Variants in ADARB2 observed in about 807,000 individuals in gnomAD.
ADARB2 encodes the protein inactive double-stranded RNA-specific editase B2.
A neutral mutation model predicts 62.2 loss-of-function variants in ADARB2; 25 were observed. The observed-to-expected ratio is 0.40, with a 90% CI of 0.29 to 0.56. The LOEUF is 0.56. Among genes scored for constraint, ADARB2 ranks in the 20% least tolerant of loss-of-function variants. The pLI, the probability that ADARB2 is intolerant of heterozygous loss-of-function variation, is 0.43. For synonymous variants in ADARB2, 572 were observed against 500.8 expected (o/e 1.14, Z -1.90); for missense variants, 1,071 against 1,077.4 (o/e 0.99, Z 0.08).
intron 1 of ADARB2, among the ~76,000 whole-genome samples, chr10:1,479,120 A>C (rs1364590525): frequency 6.6e-6 from 1 of 152,204 alleles, no homozygotes; most frequent in Non-Finnish European, 1.5e-5. Flanking sequence ...TCTCAGCTAC[A>C]GGGTGACCTC....
chr10:1,259,845 A>C (rs533977915), intron 4 of ADARB2, among the ~76,000 whole-genome samples: 28 of 152,262 alleles, frequency 1.8e-4, no homozygotes, highest in East Asian at 9.7e-4. Flanking sequence ...GAGACACAAC[A>C]AAAAAAGAGA....
intron 7 of ADARB2, among the ~76,000 whole-genome samples, chr10:1,200,931 AG>A (rs1380147118): frequency 6.6e-6 from 1 of 152,208 alleles, no homozygotes; most frequent in Non-Finnish European, 1.5e-5. Flanking sequence ...CCACTGTTAG[AG>A]CAATTACTGC....
intron 3 of ADARB2, chr10:1,360,897 C>T (rs11250458): frequency 0.39 from 59,366 of 152,420 alleles, 12,739 homozygotes; most frequent in East Asian, 0.74. Context: ...TCAGGGCTGA[C>T]AACATGAAAG....
intron 1 of ADARB2, among the ~76,000 whole-genome samples, chr10:1,485,013 C>T (rs557879059): frequency 3.3e-5 from 5 of 152,016 alleles, no homozygotes; most frequent in African/African-American, 1.2e-4. Flanking sequence ...TATACAGGTA[C>T]ATATATAAGT....
chr10:1,334,503 A>T (rs1362923242), intron 3 of ADARB2, among the ~76,000 whole-genome samples: 7 of 152,318 alleles, frequency 4.6e-5, no homozygotes, highest in Non-Finnish European at 8.8e-5. Context: ...TTTATAGTGT[A>T]TTGCATGTTT....
chr10:1,638,251 C>T (rs1378742510), intron 1 of ADARB2, among the ~76,000 whole-genome samples: 3 of 152,110 alleles, frequency 2.0e-5, no homozygotes, highest in Admixed American at 1.3e-4. Flanking sequence ...GTCATTAACT[C>T]GTGAATTAAC....
At chr10:1,286,365 T>C (rs1374664775) in intron 3 of ADARB2, among the ~76,000 whole-genome samples, 1 of 152,220 alleles carries the variant, frequency 6.6e-6, no homozygotes. Flanking sequence ...AGGCAGTCTC[T>C]ATGTCATGTA....
chr10:1,280,638 AATTCCTGAGTGATGCTCCGTGAT>A (rs1409846547), intron 3 of ADARB2, among the ~76,000 whole-genome samples: 151 of 147,524 alleles, frequency 1.0e-3, no homozygotes, highest in Middle Eastern at 3.6e-3. Flanking sequence ...TGCTCCGTGA[AATTCCTGAGTGATGCTCCGTGAT>A]ATTCCTGAGT....
At chr10:1,717,769 G>A (rs1235925086) in intron 1 of ADARB2, among the ~76,000 whole-genome samples, 2 of 151,850 alleles carry the variant, frequency 1.3e-5, no homozygotes, top group African/African-American at 2.4e-5. Context: ...GTAGAGATGG[G>A]GTTTCGTCAT....
intron 1 of ADARB2, among the ~76,000 whole-genome samples, chr10:1,530,191 A>G (rs569884827): frequency 6.6e-6 from 1 of 152,162 alleles, no homozygotes; most frequent in East Asian, 1.9e-4. Flanking sequence ...TGCCCCTGCT[A>G]TGGGATGTGG....
intron 1 of ADARB2, among the ~76,000 whole-genome samples, chr10:1,693,667 G>A (rs989421242): frequency 6.6e-6 from 1 of 152,058 alleles, no homozygotes; most frequent in Non-Finnish European, 1.5e-5. Context: ...TCCAACCATG[G>A]CTACAAATGT....
chr10:1,439,629 G>A (rs2805553), intron 1 of ADARB2, among the ~76,000 whole-genome samples: 2,258 of 126,160 alleles, frequency 0.018, 104 homozygotes, highest in African/African-American at 0.066. Context: ...GGGCTCCTGA[G>A]TCTCCTCAGC....
chr10:1,259,154 G>A (rs1174029716), intron 4 of ADARB2, among the ~76,000 whole-genome samples: 4 of 152,220 alleles, frequency 2.6e-5, no homozygotes, highest in Non-Finnish European at 4.4e-5. Context: ...AAAGCAGTGT[G>A]TAGAGGGAAA....
intron 1 of ADARB2, among the ~76,000 whole-genome samples, chr10:1,732,711 G>T (rs568891351): frequency 6.6e-6 from 1 of 152,228 alleles, no homozygotes; most frequent in Non-Finnish European, 1.5e-5. Flanking sequence ...TGGCCAGCCA[G>T]GGTGACACCG....
intron 7 of ADARB2, among the ~76,000 whole-genome samples, chr10:1,213,071 G>A (rs919700750): frequency 6.6e-6 from 1 of 152,222 alleles, no homozygotes; most frequent in Non-Finnish European, 1.5e-5. Flanking sequence ...CATCAATGAG[G>A]GAGGGTGAGT....
intron 3 of ADARB2, among the ~76,000 whole-genome samples, chr10:1,310,972 T>A (rs556539102): frequency 7.2e-5 from 11 of 152,272 alleles, no homozygotes; most frequent in African/African-American, 2.6e-4. Context: ...AAATGTGGAT[T>A]TCGATTATTC....
chr10:1,262,430 A>G (rs1003716641), intron 4 of ADARB2, among the ~76,000 whole-genome samples: 1 of 152,078 alleles, frequency 6.6e-6, no homozygotes, highest in African/African-American at 2.4e-5. Context: ...GAACTCAAAC[A>G]AATTTACAAG....
At chr10:1,468,021 T>A (rs1469997672) in intron 1 of ADARB2, among the ~76,000 whole-genome samples, 2 of 152,246 alleles carry the variant, frequency 1.3e-5, no homozygotes, top group Non-Finnish European at 2.9e-5. Context: ...TGCGTGGAGC[T>A]TCTGTGCCAG....
At chr10:1,594,182 C>T (rs1283964222) in intron 1 of ADARB2, among the ~76,000 whole-genome samples, 7 of 152,036 alleles carry the variant, frequency 4.6e-5, no homozygotes, top group East Asian at 1.9e-4. Context: ...CCCAGCTACT[C>T]GGGAGGCTGA....
Sources: gnomAD v4.1 joint callset for allele counts (sites outside exome capture counted in the v4.1 genomes callset) on GRCh38, gnomAD v4.1.1 for gene constraint, MANE v1.5 for transcripts, NCBI Gene and HGNC (gene_info 2026-07-23, HGNC 2026-07-21) for gene names.